MBD5: variants seen among roughly 807,000 people sequenced by gnomAD.
MBD5 encodes methyl-CpG-binding domain protein 5.
In MBD5, 13 loss-of-function variants were observed where a neutral mutation model predicts 117.3. That is an observed-to-expected ratio of 0.11 (90% CI 0.07 to 0.18). The LOEUF is 0.18. MBD5 is among the 10% of genes least tolerant of loss of function. The pLI, the probability that MBD5 is intolerant of heterozygous loss-of-function variation, is 1.00. For missense variants in MBD5, 1,879 were observed against 2,093.8 expected, an observed-to-expected ratio of 0.90 and a Z score of 2.00; for synonymous variants, 727 against 766.4, an observed-to-expected ratio of 0.95 and a Z score of 0.85.
At chr2:148,305,094 G>A (rs536895733) in intron 3 of MBD5, among the ~76,000 whole-genome samples, 69 of 152,060 alleles carry the variant, frequency 4.5e-4, no homozygotes, top group African/African-American at 1.6e-3. Context: ...AAAATAAAAG[G>A]CAGGCCATTT....
intron 1 of MBD5, among the ~76,000 whole-genome samples, chr2:148,109,929 A>C (rs571385944): frequency 6.6e-6 from 1 of 152,244 alleles, no homozygotes; most frequent in South Asian, 2.1e-4. Context: ...TGTTCTAAGT[A>C]CTTTTCCATG....
intron 3 of MBD5, among the ~76,000 whole-genome samples, chr2:148,242,100 G>T (rs1700227097): frequency 6.6e-6 from 1 of 152,122 alleles, no homozygotes; most frequent in African/African-American, 2.4e-5. Flanking sequence ...GTTCCTGTAT[G>T]TAAAGTGGAA....
chr2:148,313,880 G>A (rs1057373904), intron 3 of MBD5, among the ~76,000 whole-genome samples: 3 of 152,030 alleles, frequency 2.0e-5, no homozygotes, highest in Non-Finnish European at 2.9e-5. Flanking sequence ...AATCCTTCCC[G>A]TGGCTAAGGG....
intron 1 of MBD5, among the ~76,000 whole-genome samples, chr2:148,123,451 T>C (rs1191973846): frequency 6.6e-6 from 1 of 152,176 alleles, no homozygotes; most frequent in East Asian, 1.9e-4. Flanking sequence ...CTGACTTGAT[T>C]GAGAGCCTTG....
intron 4 of MBD5, among the ~76,000 whole-genome samples, chr2:148,354,284 G>C (rs993778239): frequency 6.7e-6 from 1 of 149,700 alleles, no homozygotes; most frequent in African/African-American, 2.5e-5. Context: ...CCCACCAACA[G>C]GCCCCAGTGT....
chr2:148,464,815 A>AAC (rs1460863236), intron 7 of MBD5, among the ~76,000 whole-genome samples: 5 of 150,806 alleles, frequency 3.3e-5, no homozygotes, highest in Non-Finnish European at 7.4e-5. Context: ...AAAAAAAAAA[A>AAC]AAACTAGCCA....
At chr2:148,093,624 A>C (rs1247310028) in intron 1 of MBD5, among the ~76,000 whole-genome samples, 2 of 152,214 alleles carry the variant, frequency 1.3e-5, no homozygotes, top group African/African-American at 2.4e-5. Flanking sequence ...TAAATGCAGC[A>C]ACATCTATTT....
intron 4 of MBD5, among the ~76,000 whole-genome samples, chr2:148,422,004 G>A (rs904427526): frequency 6.6e-6 from 1 of 152,218 alleles, no homozygotes; most frequent in African/African-American, 2.4e-5. Context: ...TGTGGGTGCA[G>A]CTTCAGCAGA....
chr2:148,072,554 C>G (rs1397134807), intron 1 of MBD5, among the ~76,000 whole-genome samples: 3 of 151,986 alleles, frequency 2.0e-5, no homozygotes, highest in Admixed American at 2.0e-4. Context: ...TATATACCAA[C>G]CAAAGGTTTG....
intron 2 of MBD5, among the ~76,000 whole-genome samples, chr2:148,183,296 T>C (rs1240530997): frequency 6.6e-6 from 1 of 152,010 alleles, no homozygotes; most frequent in African/African-American, 2.4e-5. Flanking sequence ...TTGAACCATA[T>C]AGTGACCATG....
At chr2:148,044,740 A>G (rs1430048235) in intron 1 of MBD5, 1 of 152,148 alleles carries the variant, frequency 6.6e-6, no homozygotes, top group Non-Finnish European at 1.5e-5. Flanking sequence ...AGTAAATATT[A>G]TGTAAAATCT....
intron 1 of MBD5, among the ~76,000 whole-genome samples, chr2:148,060,162 A>AAAAG (rs1694990271): frequency 8.9e-5 from 12 of 134,744 alleles, no homozygotes; most frequent in African/African-American, 3.2e-4. Flanking sequence ...AAAAAAAAAA[A>AAAAG]GCCAGGCATG....
intron 3 of MBD5, among the ~76,000 whole-genome samples, chr2:148,265,485 A>T (rs1700834491): frequency 6.6e-6 from 1 of 152,182 alleles, no homozygotes; most frequent in African/African-American, 2.4e-5. Context: ...CAAAAATCAC[A>T]GATTATTGAA....
At chr2:148,280,131 C>CAAAAAAAAAAAAAAAAAACAA (rs1701209056) in intron 3 of MBD5, among the ~76,000 whole-genome samples, 3 of 91,886 alleles carry the variant, frequency 3.3e-5, no homozygotes, top group African/African-American at 1.2e-4. Context: ...AAACTAACTG[C>CAAAAAAAAAAAAAAAAAACAA]AAAAAAAAAA....
chr2:148,213,184 A>G (rs1288053510), intron 2 of MBD5, among the ~76,000 whole-genome samples: 3 of 152,216 alleles, frequency 2.0e-5, no homozygotes, highest in African/African-American at 7.2e-5. Flanking sequence ...AGTGGTATGA[A>G]TAATATTATC....
At chr2:148,146,335 TG>T (rs1305457660) in intron 1 of MBD5, among the ~76,000 whole-genome samples, 3 of 152,276 alleles carry the variant, frequency 2.0e-5, no homozygotes, top group Admixed American at 2.0e-4. Context: ...CATGGCTCAC[TG>T]CAGCCTCAAC....
chr2:148,341,854 A>C (rs1354513076), intron 3 of MBD5, among the ~76,000 whole-genome samples: 1 of 152,024 alleles, frequency 6.6e-6, no homozygotes, highest in Non-Finnish European at 1.5e-5. Context: ...ATAAATATCA[A>C]ATAAAAAGAT....
intron 3 of MBD5, among the ~76,000 whole-genome samples, chr2:148,321,973 C>T (rs1274174228): frequency 6.6e-6 from 1 of 152,148 alleles, no homozygotes; most frequent in African/African-American, 2.4e-5. Context: ...TTGGTTTTCT[C>T]ATTCTCACTT....
intron 8 of MBD5, among the ~76,000 whole-genome samples, chr2:148,475,901 A>C (rs1680947964): frequency 6.6e-6 from 1 of 152,300 alleles, no homozygotes; most frequent in East Asian, 1.9e-4. Context: ...ACCTTCTAGG[A>C]ACTTCTATCA....
Sources: allele counts gnomAD v4.1 joint callset (sites outside exome capture counted in the v4.1 genomes callset), GRCh38; gene constraint gnomAD v4.1.1; transcripts MANE v1.5; gene names NCBI Gene and HGNC (gene_info 2026-07-23, HGNC 2026-07-21).